The following LARP6 variants were observed in gnomAD, a reference collection of about 807,000 sequenced individuals.
The protein encoded by LARP6 is la-related protein 6.
Under a neutral mutation model 32.8 loss-of-function variants are expected in LARP6, and 18 were observed. The ratio of observed to expected loss-of-function variants is 0.55; its 90% CI spans 0.38 to 0.81. LARP6 has a LOEUF of 0.81. Ranked by LOEUF, LARP6 falls within the 40% of genes least tolerant of loss-of-function variation. LARP6 has a pLI of 0.00. For missense variants in LARP6, 598 were observed against 663.1 expected, an observed-to-expected ratio of 0.90 and a Z score of 1.08; for synonymous variants, 289 against 267.2, an observed-to-expected ratio of 1.08 and a Z score of -0.80.
rs1264671452 is a variant in LARP6 at position 70,831,944 on chromosome 15, A to G, written c.*108T>C. On this transcript the variant is annotated 3_prime_UTR_variant, in exon 3 of 3. Coordinates refer to ENST00000299213, the MANE Select transcript of LARP6 (RefSeq NM_018357.4). Reference sequence around the variant, plus strand: ...TAAATTAAGAGGTCTACATGAATAAAAAATCTCTCAAAGGGGAACGAATTC... The same window carrying G: ...TAAATTAAGAGGTCTACATGAATAAGAAATCTCTCAAAGGGGAACGAATTC... 1 of 770,618 alleles carries G rather than the reference A, an allele frequency of 1.3e-6. No homozygotes were observed. Among genetic ancestry groups the G allele is most frequent in the African/African-American group, 1.8e-5 (1 of 56,872 alleles). The allele number at this position is 770,618 out of a possible 1,614,324, so 47.7% of individuals were successfully genotyped here.
intron 2 of LARP6, among the ~76,000 whole-genome samples, chr15:70,835,531 C>G (rs1567020495): frequency 6.6e-6 from 1 of 152,352 alleles, no homozygotes; most frequent in East Asian, 1.9e-4. Flanking sequence ...AGGAGAAAAG[C>G]TCTCCTCCAG....
chr15:70,843,254 A>G (rs1167258689), intron 1 of LARP6, among the ~76,000 whole-genome samples: 1 of 152,154 alleles, frequency 6.6e-6, no homozygotes, highest in African/African-American at 2.4e-5. Context: ...TCTCTTTGCC[A>G]TTCCAACCAT....
Position 70,832,799 on chromosome 15 carries a change from G to A in LARP6, c.729C>T (p.Ile243=), listed in dbSNP as rs200320340. 4 of 1,611,660 alleles carry A rather than the reference G, an allele frequency of 2.5e-6. No homozygotes were observed. The highest frequency in any genetic ancestry group is 3.4e-6 in the Non-Finnish European group (4 of 1,179,204). The change falls in exon 3 of 3, where the codon ATC becomes ATT. Residue 243 remains isoleucine, a synonymous_variant. Coordinates refer to ENST00000299213, the MANE Select transcript of LARP6 (RefSeq NM_018357.4). The part of the protein sequence containing the change: ...LKPGRELPPD[I]RRISSRYSQV... ...GGCTGTAGCGGCTGCTGATCCTCCG[G>A]ATGTCAGGGGGCAGCTCTCTCCCAG...
chr15:70,841,375 C>T (rs969127968), intron 1 of LARP6, among the ~76,000 whole-genome samples: 1 of 152,190 alleles, frequency 6.6e-6, no homozygotes, highest in Non-Finnish European at 1.5e-5. Flanking sequence ...CGTTGGGCAA[C>T]TCCTTCTCCC....
chr15:70,852,195 G>C, intron 1 of LARP6: 1 of 427,970 alleles, frequency 2.3e-6, no homozygotes, highest in Non-Finnish European at 4.7e-6. Context: ...CTCCTGCTCT[G>C]GGTGCCTGCC....
chr15:70,836,310 G>A lies in LARP6; in HGVS notation c.396C>T (p.Leu132=), dbSNP rs756960910. 10 of 1,613,884 alleles carry A rather than the reference G, an allele frequency of 6.2e-6. No individual in the cohort carries two copies. In the East Asian group the frequency reaches 2.0e-4, roughly 32 times the overall value. ...CAAGCCTCACCTTTTTGAAGGATGT[G>A]AGTAGCTTAACGCTCACATATCCCA... ...NKLGYVSVKL[L]TSFKKVKHLT... is the part of the protein sequence containing the mutation. Residue 132 remains leucine, a synonymous_variant, in exon 2 of 3, where the codon CTC becomes CTT. Coordinates refer to ENST00000299213, the MANE Select transcript of LARP6 (RefSeq NM_018357.4).
At chr15:70,839,570 T>C (rs986364581) in intron 1 of LARP6, among the ~76,000 whole-genome samples, 2 of 152,102 alleles carry the variant, frequency 1.3e-5, no homozygotes, top group African/African-American at 2.4e-5. Context: ...TAACAAACAC[T>C]TTCTCAATTG....
At position 70,836,314 on chromosome 15, in the gene LARP6, A is replaced by G; in HGVS notation, c.392T>C (p.Leu131Pro). Residue 131 changes from leucine (L) to proline (P), a missense_variant, in exon 2 of 3, where the codon CTA becomes CCA. Transcript: ENST00000299213. ...CCTCACCTTTTTGAAGGATGTGAGT[A>G]GCTTAACGCTCACATATCCCAGCTT... ...RNKLGYVSVK[L>P]LTSFKKVKHL... is the part of the protein sequence containing the mutation. 1 of 1,614,018 alleles carries G rather than the reference A, an allele frequency of 6.2e-7. No individual in the cohort carries two copies. Among genetic ancestry groups the G allele is most frequent in the Non-Finnish European group, 8.5e-7 (1 of 1,179,834 alleles).
intron 2 of LARP6, 38 bp from the exon 3 acceptor site, chr15:70,833,154 G>A: frequency 1.3e-6 from 2 of 1,556,602 alleles, no homozygotes; most frequent in Non-Finnish European, 1.8e-6. Flanking sequence ...AGTATCTAAT[G>A]TCCTTGTCCA....
At chr15:70,840,851 G>C (rs368007752) in intron 1 of LARP6, among the ~76,000 whole-genome samples, 5 of 151,500 alleles carry the variant, frequency 3.3e-5, no homozygotes, top group Admixed American at 1.3e-4. Flanking sequence ...TATTACAAAA[G>C]GTAAACTCAT....
chr15:70,838,584 C>T (rs2141051499), intron 1 of LARP6, among the ~76,000 whole-genome samples: 1 of 152,290 alleles, frequency 6.6e-6, no homozygotes, highest in Non-Finnish European at 1.5e-5. Flanking sequence ...TAGACTTCCT[C>T]CTCTCCCTCT....
intron 1 of LARP6, among the ~76,000 whole-genome samples, chr15:70,839,958 G>T (rs1461268131): frequency 6.6e-6 from 1 of 152,168 alleles, no homozygotes; most frequent in African/African-American, 2.4e-5. Flanking sequence ...GCCCTGACAT[G>T]ATTGAGTTGT....
At position 70,833,035 on chromosome 15, in the gene LARP6, G is replaced by A. The variant is rs1162734384; in HGVS notation, c.493C>T (p.Arg165Trp). 4 of 1,613,858 alleles carry A rather than the reference G, an allele frequency of 2.5e-6. No individual in the cohort carries two copies. Among genetic ancestry groups the A allele is most frequent in the East Asian group, 2.2e-5 (1 of 44,892 alleles). ...ACGGGGGTGGTCCTCCTCACCTTCCGGTGGTCCTCATTCAACTCAAGGACC... is the reference window on the plus strand; with the variant it reads ...ACGGGGGTGGTCCTCCTCACCTTCCAGTGGTCCTCATTCAACTCAAGGACC... ...SVVLELNEDHRKVRRTTPVPL... is the reference protein window; with the variant it reads ...SVVLELNEDHWKVRRTTPVPL... Residue 165 changes from arginine (R) to tryptophan (W), a missense_variant, in exon 3 of 3, where the codon CGG becomes TGG. Around this residue, in one of 3 missense-constraint regions of LARP6, gnomAD observed 69 missense variants for 116.7 expected, o/e 0.59. Coordinates refer to ENST00000299213, the MANE Select transcript of LARP6 (RefSeq NM_018357.4).
chr15:70,842,827 G>A (rs1464902821), intron 1 of LARP6, among the ~76,000 whole-genome samples: 1 of 152,148 alleles, frequency 6.6e-6, no homozygotes, highest in African/African-American at 2.4e-5. Context: ...TACGAGTGCA[G>A]AGGTGAGCTT....
intron 1 of LARP6, among the ~76,000 whole-genome samples, chr15:70,844,750 A>T (rs2032317743): frequency 6.6e-6 from 1 of 152,154 alleles, no homozygotes; most frequent in Non-Finnish European, 1.5e-5. Flanking sequence ...AAATTTTAGT[A>T]GTTATTTATT....
intron 1 of LARP6, among the ~76,000 whole-genome samples, chr15:70,845,295 G>A (rs935430207): frequency 2.6e-5 from 4 of 152,138 alleles, no homozygotes; most frequent in Non-Finnish European, 5.9e-5. Flanking sequence ...AAGCTGTCAT[G>A]TCTCCTGAGG....
chr15:70,845,478 T>C (rs1236497233), intron 1 of LARP6, among the ~76,000 whole-genome samples: 9 of 152,192 alleles, frequency 5.9e-5, no homozygotes, highest in Admixed American at 5.9e-4. Context: ...TAAATTTCCA[T>C]TCTCAGCACA....
chr15:70,851,546 G>T, intron 1 of LARP6: 1 of 1,533,164 alleles, frequency 6.5e-7, no homozygotes, highest in Non-Finnish European at 8.8e-7. Context: ...TGCCTTCAAG[G>T]ATCTCACTGT....
chr15:70,833,446 C>T (rs1369833215), intron 2 of LARP6, among the ~76,000 whole-genome samples: 1 of 152,198 alleles, frequency 6.6e-6, no homozygotes, highest in African/African-American at 2.4e-5. Context: ...AAATCAAAGG[C>T]CCACCTCTAG....
Sources: gnomAD v4.1 joint callset for allele counts (sites outside exome capture counted in the v4.1 genomes callset) on GRCh38, gnomAD v4.1.1 for gene constraint, gnomAD v4.1.1 regional missense constraint, MANE v1.5 for transcripts, NCBI Gene and HGNC (gene_info 2026-07-23, HGNC 2026-07-21) for gene names.